The following PRRC1 variants were observed in gnomAD, a reference collection of about 807,000 sequenced individuals.
The protein encoded by PRRC1 is proline rich coiled-coil 1, also known as protein PRRC1.
Under a neutral mutation model 40.7 loss-of-function variants are expected in PRRC1, and 39 were observed. The observed-to-expected ratio is 0.96, with a 90% CI of 0.74 to 1.25. PRRC1 has a LOEUF of 1.25. PRRC1 is among the 50% of genes most tolerant of loss of function. The pLI is 0.00. For synonymous variants in PRRC1, 175 were observed against 193.3 expected (o/e 0.91, Z 0.79); for missense variants, 573 against 548.3 (o/e 1.05, Z -0.45).
In PRRC1 at chr5:127,551,926, T is replaced by G. The variant is rs144042656; in HGVS notation, c.*10T>G. The G allele has an allele frequency of 6.4e-5, 104 of 1,613,728 alleles. No homozygotes were observed. The highest frequency in any genetic ancestry group is 1.3e-4 in the Admixed American group (8 of 59,988). ...ACCCAGGACAGTGTGAGAGGAGACC[T>G]ACCTGGGAGACTGAGACTTTCCCCC... On this transcript the variant is annotated 3_prime_UTR_variant, in exon 9 of 9. Transcript: ENST00000296666.
chr5:127,540,768 T>G (rs1768021644), intron 7 of PRRC1, among the ~76,000 whole-genome samples: 1 of 152,184 alleles, frequency 6.6e-6, no homozygotes, highest in Admixed American at 6.5e-5. Context: ...GTTCATGTCC[T>G]TCGCCCACTT....
At position 127,552,624 on chromosome 5, in the gene PRRC1, A is replaced by G. The variant is rs1768423016; in HGVS notation, c.*708A>G. The stretch of plus-strand genomic sequence containing the variant: ...ATACATTTTATTTTTTCATTGCTAT[A>G]TGACAGCTAAGGGGCAAATGATTCA... On this transcript the variant is annotated 3_prime_UTR_variant, in exon 9 of 9. Transcript: ENST00000296666. The G allele has an allele frequency of 1.0e-6, 1 of 978,944 alleles. No homozygotes were observed. The highest frequency in any genetic ancestry group is 1.2e-6 in the Non-Finnish European group (1 of 823,750). 60.6% of individuals were successfully genotyped at this position (978,944 alleles called of 1,614,324 possible). A position where few individuals can be genotyped will look rare whatever the true frequency, so the allele number is the denominator to read the frequency against.
chr5:127,548,244 TGC>T, intron 8 of PRRC1: 1 of 489,852 alleles, frequency 2.0e-6, no homozygotes, highest in Admixed American at 3.8e-5. Context: ...GCCTTTCGTT[TGC>T]TTTCCCTTTT....
rs1768460415 is a variant in PRRC1 at position 127,553,971 on chromosome 5, C to G, written c.*2055C>G. The G allele has an allele frequency of 2.0e-6, 3 of 1,464,232 alleles. No individual in the cohort carries two copies. Among genetic ancestry groups the G allele is most frequent in the Non-Finnish European group, 2.7e-6 (3 of 1,099,106 alleles). The allele number at this position is 1,464,232 out of a possible 1,614,324, so 90.7% of individuals were successfully genotyped here. A position where few individuals can be genotyped will look rare whatever the true frequency, so the allele number is the denominator to read the frequency against. On this transcript the variant is annotated 3_prime_UTR_variant, in exon 9 of 9. Coordinates refer to ENST00000296666, the MANE Select transcript of PRRC1 (RefSeq NM_130809.5). ...AGAAATACATGAACTGCTCTGGCCT[C>G]TCTGGTTCTGTTCTTGGCCCAGAGT...
chr5:127,530,262 T>C (rs760417448), intron 4 of PRRC1, 32 bp from the exon 5 acceptor site: 3 of 1,584,922 alleles, frequency 1.9e-6, no homozygotes, highest in Middle Eastern at 1.7e-4. Flanking sequence ...TCACTTAGAG[T>C]GAATACTTAC....
chr5:127,532,415 G>GTAT (rs1767800988), intron 5 of PRRC1, among the ~76,000 whole-genome samples: 2 of 152,004 alleles, frequency 1.3e-5, no homozygotes, highest in African/African-American at 4.8e-5. Flanking sequence ...CCATCTTAAG[G>GTAT]TATTTTTACA....
chr5:127,551,696 T>C lies in PRRC1; in HGVS notation c.1129-11T>C, dbSNP rs1314742090. 5 of 1,613,348 alleles carry C rather than the reference T, an allele frequency of 3.1e-6. No individual in the cohort carries two copies. Among genetic ancestry groups the C allele is most frequent in the Admixed American group, 1.7e-5 (1 of 59,970 alleles). On this transcript the variant is annotated splice_polypyrimidine_tract_variant and intron_variant, in intron 8 of 8. Coordinates refer to ENST00000296666, the MANE Select transcript of PRRC1 (RefSeq NM_130809.5). ...TGTATTATAAGTAATATCAATTTCA[T>C]CTTTCCACAGGCTCAAAGTCTAACT...
At chr5:127,543,057 G>GCT (rs1480553753) in intron 7 of PRRC1, among the ~76,000 whole-genome samples, 1 of 145,936 alleles carries the variant, frequency 6.9e-6, no homozygotes, top group Non-Finnish European at 1.5e-5. Context: ...GCAGCTTTTA[G>GCT]GGCAGGCCTG....
rs142406897 is a variant in PRRC1, at chr5:127,538,730, TAC to T, written c.922-308_922-307del. Among the ~76,000 whole-genome samples the T allele has an allele frequency of 4.2e-4, 64 of 152,148 alleles. No homozygotes were observed. The East Asian group carries it at 0.012, about 28-fold the overall frequency. ...CTCTTGCCAGATCAACATTAAAAAA[TAC>T]AGTTTTCTTAAATTATTTAACAGTA... On this transcript the variant is annotated intron_variant, in intron 6 of 8. Transcript: ENST00000296666.
intron 5 of PRRC1, among the ~76,000 whole-genome samples, 176 bp from the exon 6 acceptor site, chr5:127,533,447 A>G (rs1420181550): frequency 6.6e-6 from 1 of 152,158 alleles, no homozygotes; most frequent in Non-Finnish European, 1.5e-5. Flanking sequence ...CCTTGGGCAA[A>G]ACTTTGTTGG....
chr5:127,536,089 C>T (rs913478671), intron 6 of PRRC1, among the ~76,000 whole-genome samples: 18 of 152,204 alleles, frequency 1.2e-4, no homozygotes, highest in Non-Finnish European at 2.2e-4. Flanking sequence ...TGCCTTTTCA[C>T]TTTTCACAGT....
At chr5:127,529,545 C>T (rs759382958) in intron 4 of PRRC1, among the ~76,000 whole-genome samples, 3 of 152,100 alleles carry the variant, frequency 2.0e-5, no homozygotes, top group Non-Finnish European at 2.9e-5. Flanking sequence ...TTTCCTGAGT[C>T]ACCTTAGTTT....
chr5:127,553,755 A>T lies in PRRC1; in HGVS notation c.*1839A>T. 1 of 1,524,748 alleles carries T rather than the reference A, an allele frequency of 6.6e-7. No homozygotes were observed. Among genetic ancestry groups the T allele is most frequent in the Non-Finnish European group, 8.7e-7 (1 of 1,143,378 alleles). 94.5% of individuals were successfully genotyped at this position (1,524,748 alleles called of 1,614,324 possible). A position where few individuals can be genotyped will look rare whatever the true frequency, so the allele number is the denominator to read the frequency against. On this transcript the variant is annotated 3_prime_UTR_variant, in exon 9 of 9. Coordinates refer to ENST00000296666, the MANE Select transcript of PRRC1 (RefSeq NM_130809.5). ...TCACAAATGTCTTTTTGATGTTTTG[A>T]GAATTGTTCTCATAGAATCACAAAT...
chr5:127,537,416 T>C (rs925031482), intron 6 of PRRC1, among the ~76,000 whole-genome samples: 1 of 151,898 alleles, frequency 6.6e-6, no homozygotes, highest in Non-Finnish European at 1.5e-5. Context: ...ATTTAATTAA[T>C]GTAGTGGTCA....
In PRRC1 at chr5:127,551,932, G is replaced by A; in HGVS notation, c.*16G>A. 6.2e-7 allele frequency: 1 copy of A among 1,613,490 alleles called. No homozygotes were observed. The highest frequency in any genetic ancestry group is 8.5e-7 in the Non-Finnish European group (1 of 1,179,620). On this transcript the variant is annotated 3_prime_UTR_variant, in exon 9 of 9. Transcript: ENST00000296666. ...GACAGTGTGAGAGGAGACCTACCTG[G>A]GAGACTGAGACTTTCCCCCACTTTT...
At position 127,543,899 on chromosome 5, in the gene PRRC1, T is replaced by C. The variant is rs181984575; in HGVS notation, c.1026-3920T>C. Among the ~76,000 whole-genome samples the C allele has an allele frequency of 2.8e-3, 427 of 152,374 alleles. 5 individuals carry two copies. In the East Asian group the frequency reaches 0.065, roughly 23 times the overall value. On this transcript the variant is annotated intron_variant, in intron 7 of 8. Coordinates refer to ENST00000296666, the MANE Select transcript of PRRC1 (RefSeq NM_130809.5). ...GTCAAAGTCATTCTCTGTCCAGCTT[T>C]GTTCCGTTGCTGGTGAGGAACTGCG...
Position 127,534,383 on chromosome 5 carries a change from G to A in PRRC1, c.921+597G>A, listed in dbSNP as rs574048047. ...TTTTGCAGCTAAACTCCAAGGAGTT[G>A]GCAGCACTTTTCTCATATCCTTTTC... On this transcript the variant is annotated intron_variant, in intron 6 of 8. Coordinates refer to ENST00000296666, the MANE Select transcript of PRRC1 (RefSeq NM_130809.5). 7.2e-5 allele frequency among the ~76,000 whole-genome samples: 11 copies of A among 152,198 alleles called. No homozygotes were observed. The East Asian group carries it at 1.9e-3, about 27-fold the overall frequency.
chr5:127,518,322 A>G (rs1355047063), intron 1 of PRRC1, among the ~76,000 whole-genome samples: 1 of 152,256 alleles, frequency 6.6e-6, no homozygotes, highest in Non-Finnish European at 1.5e-5. Context: ...AGGTTACCCC[A>G]TCGGTGCTTA....
At chr5:127,535,962 A>G (rs1183428035) in intron 6 of PRRC1, among the ~76,000 whole-genome samples, 4 of 152,266 alleles carry the variant, frequency 2.6e-5, no homozygotes, top group East Asian at 1.9e-4. Context: ...TCTTTTACAC[A>G]TATGCATACT....
Sources: allele counts gnomAD v4.1 joint callset (sites outside exome capture counted in the v4.1 genomes callset), GRCh38; gene constraint gnomAD v4.1.1; transcripts MANE v1.5; gene names NCBI Gene and HGNC (gene_info 2026-07-23, HGNC 2026-07-21).